The following PPIL4 variants were observed in gnomAD, a reference collection of about 807,000 sequenced individuals.
The protein encoded by PPIL4 is peptidylprolyl isomerase like 4.
In PPIL4, 50 loss-of-function variants were observed where a neutral mutation model predicts 69.1. That is an observed-to-expected ratio of 0.72 (90% confidence interval 0.58 to 0.92). The LOEUF (loss-of-function observed/expected upper bound fraction) is 0.92. Ranked by LOEUF, PPIL4 falls within the 40% of genes least tolerant of loss-of-function variation. The pLI is 0.00. For missense variants in PPIL4, 480 were observed against 587.9 expected (o/e 0.82, Z 1.90); for synonymous variants, 193 against 191.6 (o/e 1.01, Z -0.06).
At chr6:149,541,114 G>T in intron 3 of PPIL4, 55 bp from the exon 4 acceptor site, 1 of 984,906 alleles carries the variant, frequency 1.0e-6, no homozygotes, top group Non-Finnish European at 1.6e-6. Flanking sequence ...AAATACAGAA[G>T]TACTAGTAAC....
At chr6:149,533,640 C>T (rs565163023) in intron 6 of PPIL4, 66 bp from the exon 7 acceptor site, 9 of 890,670 alleles carry the variant, frequency 1.0e-5, no homozygotes, top group South Asian at 1.6e-5. Flanking sequence ...ACATAGAAGA[C>T]ATACTTTATT....
intron 9 of PPIL4, 53 bp downstream of exon 9, chr6:149,525,090 A>T: frequency 1.1e-6 from 1 of 932,576 alleles, no homozygotes; most frequent in Non-Finnish European, 1.7e-6. Context: ...TTCACATTTT[A>T]ATACCATATA....
In PPIL4 at chr6:149,512,270, G is replaced by A. The variant is rs1172918891; in HGVS notation, c.1112C>T (p.Ala371Val). ...TGAGTGACTTGATTTTGAGTCTTCG[G>A]CCTGCTCATCTAATATAAGATCGTA... ...TKYDLILDEQAEDSKSSHSHT... is the reference protein window; with the variant it reads ...TKYDLILDEQVEDSKSSHSHT... Residue 371 changes from alanine (A) to valine (V), a missense_variant, in exon 12 of 13, where the codon GCC becomes GTC. Coordinates refer to ENST00000253329, the MANE Select transcript of PPIL4 (RefSeq NM_139126.4). The A allele has an allele frequency of 6.2e-7, 1 of 1,612,626 alleles. No individual in the cohort carries two copies. Among genetic ancestry groups the A allele is most frequent in the Non-Finnish European group, 8.5e-7 (1 of 1,179,090 alleles).
intron 4 of PPIL4, among the ~76,000 whole-genome samples, chr6:149,538,739 G>A (rs959006830): frequency 1.3e-5 from 2 of 152,316 alleles, no homozygotes; most frequent in South Asian, 4.1e-4. Context: ...GCAAGAGAAC[G>A]AGAATTAGAA....
intron 4 of PPIL4, among the ~76,000 whole-genome samples, chr6:149,536,624 C>G (rs561113161): frequency 3.3e-4 from 50 of 150,790 alleles, no homozygotes; most frequent in African/African-American, 1.1e-3. Flanking sequence ...TAACTTTATT[C>G]AATTCTATAA....
chr6:149,517,801 A>C (rs1776968831), intron 10 of PPIL4: 1 of 172,740 alleles, frequency 5.8e-6, no homozygotes, highest in African/African-American at 2.4e-5. Flanking sequence ...AAGATCTGAA[A>C]GACCTAAGTT....
At chr6:149,509,225 T>C (rs925193040) in intron 12 of PPIL4, among the ~76,000 whole-genome samples, 1 of 152,186 alleles carries the variant, frequency 6.6e-6, no homozygotes, top group Non-Finnish European at 1.5e-5. Flanking sequence ...TTAAAAATAC[T>C]AATAGCATTC....
intron 1 of PPIL4, among the ~76,000 whole-genome samples, chr6:149,545,597 C>T (rs1268123485): frequency 3.3e-5 from 5 of 152,078 alleles, no homozygotes; most frequent in Admixed American, 1.3e-4. Context: ...CACGAGTAAA[C>T]ACAATAAAGG....
intron 12 of PPIL4, among the ~76,000 whole-genome samples, chr6:149,508,118 T>C (rs967800991): frequency 1.3e-5 from 2 of 152,112 alleles, no homozygotes; most frequent in African/African-American, 4.8e-5. Flanking sequence ...ATTCTAGAAA[T>C]AGGGAAACTG....
At chr6:149,538,614 G>A (rs537214679) in intron 4 of PPIL4, among the ~76,000 whole-genome samples, 5 of 152,068 alleles carry the variant, frequency 3.3e-5, no homozygotes, top group Non-Finnish European at 7.4e-5. Flanking sequence ...TGTGGGAGGA[G>A]GTCAAAATAT....
intron 7 of PPIL4, among the ~76,000 whole-genome samples, 179 bp downstream of exon 7, chr6:149,533,277 TAG>T (rs1777225948): frequency 1.3e-5 from 2 of 152,226 alleles, no homozygotes; most frequent in South Asian, 4.1e-4. Context: ...ATATTGACAG[TAG>T]AGTCAAATTT....
chr6:149,540,425 G>A (rs949507927), intron 4 of PPIL4, among the ~76,000 whole-genome samples: 6 of 152,176 alleles, frequency 3.9e-5, no homozygotes, highest in Non-Finnish European at 8.8e-5. Context: ...GACCATCGTG[G>A]CCAACATGGT....
chr6:149,526,816 T>G (rs751589624), intron 7 of PPIL4, 40 bp from the exon 8 acceptor site: 8 of 1,590,526 alleles, frequency 5.0e-6, no homozygotes, highest in Non-Finnish European at 6.9e-6. Context: ...CAATTCCTAT[T>G]TAGTTTCCAT....
At position 149,537,151 on chromosome 6, in the gene PPIL4, G is replaced by A. The variant is rs141001413; in HGVS notation, c.322-1413C>T. ...AAAAAAAAAAAAAAAAGAAGCTGCA[G>A]CATGCATCAAGTTATCTGGAAGATC... On this transcript the variant is annotated intron_variant, in intron 4 of 12. Transcript: ENST00000253329. Among the ~76,000 whole-genome samples the A allele has an allele frequency of 7.6e-4, 116 of 151,658 alleles. 1 individual carries two copies. The highest frequency in any genetic ancestry group is 2.7e-3 in the African/African-American group (110 of 41,402).
chr6:149,545,790 C>G, intron 1 of PPIL4, 146 bp downstream of exon 1: 1 of 714,892 alleles, frequency 1.4e-6, no homozygotes, highest in South Asian at 1.8e-5. Flanking sequence ...TAGCCAAGGC[C>G]GGTTAATAAA....
chr6:149,530,225 G>A (rs1414719048), intron 7 of PPIL4, among the ~76,000 whole-genome samples: 1 of 152,140 alleles, frequency 6.6e-6, no homozygotes, highest in East Asian at 1.9e-4. Context: ...GGGAAAGAGG[G>A]AGGGAGTACT....
Position 149,541,598 on chromosome 6 carries a change from T to G in PPIL4, c.71-12A>C. On this transcript the variant is annotated splice_polypyrimidine_tract_variant and intron_variant, in intron 1 of 12. Transcript: ENST00000253329. ...GAAATTCAAGCAGGCTGAAAGAAAG[T>G]AAATACCAAATTTATCACAGTAATC... 7.0e-7 allele frequency: 1 copy of G among 1,432,060 alleles called. No homozygotes were observed. Among genetic ancestry groups the G allele is most frequent in the Non-Finnish European group, 9.8e-7 (1 of 1,017,544 alleles). 88.7% of individuals were successfully genotyped at this position (1,432,060 alleles called of 1,614,324 possible).
intron 7 of PPIL4, among the ~76,000 whole-genome samples, chr6:149,527,297 G>A (rs1777122579): frequency 6.6e-6 from 1 of 152,192 alleles, no homozygotes; most frequent in Non-Finnish European, 1.5e-5. Flanking sequence ...GGCGGAGGTT[G>A]CAGTGAGCTA....
At chr6:149,513,164 T>A (rs905106173) in intron 11 of PPIL4, among the ~76,000 whole-genome samples, 5 of 147,930 alleles carry the variant, frequency 3.4e-5, no homozygotes, top group Admixed American at 1.3e-4. Flanking sequence ...GGCGGGCGAC[T>A]CACTCGAGGC....
Sources: allele counts gnomAD v4.1 joint callset (sites outside exome capture counted in the v4.1 genomes callset), GRCh38; gene constraint gnomAD v4.1.1; transcripts MANE v1.5; gene names NCBI Gene and HGNC (gene_info 2026-07-23, HGNC 2026-07-21).